The following RASSF5 variants were observed in gnomAD, a reference collection of about 807,000 sequenced individuals.
RASSF5 encodes Ras association domain family member 5.
In RASSF5, 25 loss-of-function variants were observed where a neutral mutation model predicts 40.5. The observed-to-expected ratio is 0.62, with a 90% CI of 0.45 to 0.86. The LOEUF (loss-of-function observed/expected upper bound fraction) is 0.86, where lower values mean the gene tolerates loss of function less well. RASSF5 is among the 40% of genes least tolerant of loss of function. The pLI, the probability that RASSF5 is intolerant of heterozygous loss-of-function variation, is 0.00. For synonymous variants in RASSF5, 246 were observed against 252.4 expected (o/e 0.97, Z 0.24); for missense variants, 521 against 572.8 (o/e 0.91, Z 0.92).
At chr1:206,557,714 C>T in intron 2 of RASSF5, 2 of 1,612,796 alleles carry the variant, frequency 1.2e-6, no homozygotes, top group Non-Finnish European at 8.5e-7. Context: ...TAATGGAATG[C>T]AGGAGCCTTT....
chr1:206,583,121 GTC>G, intron 2 of RASSF5, 146 bp from the exon 3 acceptor site: 1 of 595,576 alleles, frequency 1.7e-6, no homozygotes. Context: ...ACCTCTCATT[GTC>G]TCACTCCGAG....
At chr1:206,526,913 C>T (rs1667111941) in intron 1 of RASSF5, among the ~76,000 whole-genome samples, 1 of 152,142 alleles carries the variant, frequency 6.6e-6, no homozygotes, top group Admixed American at 6.6e-5. Flanking sequence ...TACCATATGC[C>T]AGGTGCCGTT....
intron 1 of RASSF5, among the ~76,000 whole-genome samples, chr1:206,519,460 A>C (rs1666847441): frequency 6.6e-6 from 1 of 152,154 alleles, no homozygotes; most frequent in Non-Finnish European, 1.5e-5. Context: ...GTGTGGTGGG[A>C]ATGGGAAGGG....
At chr1:206,574,376 G>A (rs782229618) in intron 2 of RASSF5, among the ~76,000 whole-genome samples, 3 of 152,200 alleles carry the variant, frequency 2.0e-5, no homozygotes, top group Non-Finnish European at 2.9e-5. Flanking sequence ...TCCCATCTGC[G>A]TCATCTCTCA....
At chr1:206,571,426 G>A (rs1668445925) in intron 2 of RASSF5, 1 of 152,000 alleles carries the variant, frequency 6.6e-6, no homozygotes, top group African/African-American at 2.4e-5. Context: ...TGGGGTATTG[G>A]GATCCACTCA....
rs1553407288 is a variant in RASSF5, at chr1:206,584,850, CAAGAG to C, written c.988+167_988+171del. Reference sequence around the variant, plus strand: ...GATCTGTGGAATCCGGGCAGGGAGGCAAGAGCAGAGTCCCTGACTCTGCATGTGAC... The same window carrying C: ...GATCTGTGGAATCCGGGCAGGGAGGCCAGAGTCCCTGACTCTGCATGTGAC... On this transcript the variant is annotated intron_variant, in intron 4 of 5. Coordinates refer to ENST00000579436, the MANE Select transcript of RASSF5 (RefSeq NM_182663.4). The surrounding 1 kb of genome is among the most constrained non-coding windows in gnomAD (Gnocchi z 4.9). 9 of 722,448 alleles carry C rather than the reference CAAGAG, an allele frequency of 1.2e-5. No homozygotes were observed. Among genetic ancestry groups the C allele is most frequent in the Admixed American group, 2.8e-5 (1 of 35,392 alleles). 44.8% of individuals were successfully genotyped at this position (722,448 alleles called of 1,614,324 possible).
At chr1:206,582,386 T>G (rs1668926039) in intron 2 of RASSF5, among the ~76,000 whole-genome samples, 1 of 152,140 alleles carries the variant, frequency 6.6e-6, no homozygotes, top group South Asian at 2.1e-4. Flanking sequence ...GACCTGGAAT[T>G]TCTGTTTCAT....
At chr1:206,582,675 C>A (rs1668941230) in intron 2 of RASSF5, among the ~76,000 whole-genome samples, 1 of 152,236 alleles carries the variant, frequency 6.6e-6, no homozygotes, top group Non-Finnish European at 1.5e-5. Context: ...TAGATATTTA[C>A]TTCTTGCTAT....
chr1:206,569,676 G>A (rs766217305), intron 2 of RASSF5, among the ~76,000 whole-genome samples: 3 of 152,202 alleles, frequency 2.0e-5, no homozygotes, highest in Non-Finnish European at 4.4e-5. Flanking sequence ...ATGTGGGTAG[G>A]TGGACCAGTT....
intron 2 of RASSF5, chr1:206,544,806 T>G (rs1022318932): frequency 7.9e-5 from 12 of 152,220 alleles, no homozygotes; most frequent in African/African-American, 2.9e-4. Context: ...CTTGGAGTTC[T>G]GTGCTTCCTG....
chr1:206,540,403 C>T (rs1224111722), intron 2 of RASSF5, among the ~76,000 whole-genome samples: 1 of 152,250 alleles, frequency 6.6e-6, no homozygotes, highest in Non-Finnish European at 1.5e-5. Flanking sequence ...CCTTGGAACC[C>T]TCTGGCAAGT....
At position 206,519,645 on chromosome 1, in the gene RASSF5, C is replaced by CT. The variant is rs530218070; in HGVS notation, c.457+11589dup. Among the ~76,000 whole-genome samples the CT allele has an allele frequency of 4.0e-4, 61 of 152,264 alleles. 2 individuals are homozygous for CT. The East Asian group carries it at 9.7e-3, about 24-fold the overall frequency. ...TTTTTCTCTATACTTCTCTCATATA[C>CT]TTTCAAGAATCAGTGGGGATCTAGG... On this transcript the variant is annotated intron_variant, in intron 1 of 5. Transcript: ENST00000579436.
chr1:206,585,268 A>T lies in RASSF5; in HGVS notation c.1077A>T (p.Leu359=). 9 of 1,614,048 alleles carry T rather than the reference A, an allele frequency of 5.6e-6. No homozygotes were observed. Among genetic ancestry groups the T allele is most frequent in the Non-Finnish European group, 7.6e-6 (9 of 1,179,936 alleles). The change falls in exon 5 of 6, where the codon CTA becomes CTT. Residue 359 remains leucine (L), a synonymous_variant. Coordinates refer to ENST00000579436, the MANE Select transcript of RASSF5 (RefSeq NM_182663.4). The part of the protein sequence containing the change: ...GPDTEVLSFV[L]KENETGEVEW... ...ACACGGAGGTCCTCAGCTTTGTGCT[A>T]AAGGAGAATGAAACTGGAGAGGTAG...
At position 206,524,589 on chromosome 1, in the gene RASSF5, T is replaced by TTATATATTATGTATAATATATAAAA. The variant is rs1398250144; in HGVS notation, c.458-13547_458-13523dup. 1.9e-3 allele frequency among the ~76,000 whole-genome samples: 237 copies of TTATATATTATGTATAATATATAAAA among 123,368 alleles called. 1 individual carries two copies. Among genetic ancestry groups the TTATATATTATGTATAATATATAAAA allele is most frequent in the African/African-American group, 6.0e-3 (179 of 29,914 alleles). The allele number at this position is 123,368 out of a possible 152,430, so 80.9% of individuals were successfully genotyped here. A position where few individuals can be genotyped will look rare whatever the true frequency, so the allele number is the denominator to read the frequency against. On this transcript the variant is annotated intron_variant, in intron 1 of 5. Transcript: ENST00000579436. Reference sequence around the variant, plus strand: ...TTATGTATAATATATAAAATATATATTATATATTATGTATAATATATAAAA... The same window carrying TTATATATTATGTATAATATATAAAA: ...TTATGTATAATATATAAAATATATATTATATATTATGTATAATATATAAAATATATATTATGTATAATATATAAAA...
intron 1 of RASSF5, among the ~76,000 whole-genome samples, chr1:206,516,153 T>C (rs1046334172): frequency 6.6e-6 from 1 of 152,220 alleles, no homozygotes; most frequent in African/African-American, 2.4e-5. Context: ...ATGGAGGTCA[T>C]TGAGTCATTG....
rs147291212 is a variant in RASSF5 at position 206,584,644 on chromosome 1, G to C, written c.948G>C (p.Gln316His). The C allele has an allele frequency of 3.7e-6, 6 of 1,614,248 alleles. No homozygotes were observed. The highest frequency in any genetic ancestry group is 5.1e-6 in the Non-Finnish European group (6 of 1,180,050). The stretch of plus-strand genomic sequence containing the variant: ...AGTTCATGGTTGTGGACAATCCCCA[G>C]AAGTTTGCACTTTTTAAGCGGATAC... ...LKKFMVVDNP[Q>H]KFALFKRIHK... The change falls in exon 4 of 6, where the codon CAG (glutamine) becomes CAC (histidine). Residue 316 changes from glutamine (Q) to histidine (H), a missense_variant. Gln to His is a conservative substitution (Grantham distance 24). Transcript: ENST00000579436. This position sits in a 1 kb window ranked among gnomAD's most constrained non-coding sequence, Gnocchi z 4.9.
At chr1:206,546,693 A>ATG (rs2103530169) in intron 2 of RASSF5, among the ~76,000 whole-genome samples, 1 of 152,364 alleles carries the variant, frequency 6.6e-6, no homozygotes, top group South Asian at 2.1e-4. Context: ...ACCAAACAAC[A>ATG]TGGCTTACCC....
At chr1:206,557,232 C>T (rs1668014641) in intron 2 of RASSF5, 20 of 1,093,216 alleles carry the variant, frequency 1.8e-5, no homozygotes, top group Non-Finnish European at 2.1e-5. Context: ...GCGCTCTGCA[C>T]GGCGGCGGAG....
intron 2 of RASSF5, among the ~76,000 whole-genome samples, chr1:206,568,116 C>A (rs1668333662): frequency 6.6e-6 from 1 of 152,176 alleles, no homozygotes; most frequent in Non-Finnish European, 1.5e-5. Context: ...CTTGGAGTCA[C>A]TGAAGATAGG....
Sources: gnomAD v4.1 joint callset for allele counts (sites outside exome capture counted in the v4.1 genomes callset) on GRCh38, gnomAD v4.1.1 for gene constraint, Gnocchi (gnomAD v3.1) non-coding constraint, MANE v1.5 for transcripts, NCBI Gene and HGNC (gene_info 2026-07-23, HGNC 2026-07-21) for gene names.